Variants in WWOX observed in about 807,000 individuals in gnomAD.
WWOX encodes the protein WW domain-containing oxidoreductase.
In WWOX, 69 loss-of-function variants were observed where a neutral mutation model predicts 46.2. That is an observed-to-expected ratio of 1.49 (90% CI 1.23 to 1.82). The LOEUF is 1.82. Ranked by LOEUF, WWOX falls within the 40% of genes most tolerant of loss-of-function variation. The pLI is 0.00. For missense variants in WWOX, 919 were observed against 542.6 expected, an observed-to-expected ratio of 1.69 and a Z score of -6.89; for synonymous variants, 359 against 202.6, an observed-to-expected ratio of 1.77 and a Z score of -6.56.
chr16:78,940,065 T>C (rs2045821032), intron 8 of WWOX, among the ~76,000 whole-genome samples: 2 of 152,184 alleles, frequency 1.3e-5, no homozygotes, highest in South Asian at 4.1e-4. Flanking sequence ...TTTCATCCCA[T>C]TATACAAAAA....
At chr16:78,843,703 G>A (rs1472466828) in intron 8 of WWOX, among the ~76,000 whole-genome samples, 2 of 152,190 alleles carry the variant, frequency 1.3e-5, no homozygotes, top group Middle Eastern at 6.4e-3. Context: ...TGCAAATAAT[G>A]TATCATTAAG....
chr16:78,422,812 T>A (rs577185788), intron 6 of WWOX, among the ~76,000 whole-genome samples: 3 of 120,906 alleles, frequency 2.5e-5, no homozygotes, highest in African/African-American at 4.0e-5. Flanking sequence ...TACACACACA[T>A]ATATATACAC....
At chr16:78,444,805 C>T (rs909755839) in intron 8 of WWOX, among the ~76,000 whole-genome samples, 3 of 152,138 alleles carry the variant, frequency 2.0e-5, no homozygotes, top group African/African-American at 7.2e-5. Flanking sequence ...GCTGGAATTA[C>T]AGGCGTGAGC....
At chr16:79,069,930 C>G (rs933282349) in intron 8 of WWOX, among the ~76,000 whole-genome samples, 6 of 152,152 alleles carry the variant, frequency 3.9e-5, no homozygotes, top group Admixed American at 1.3e-4. Flanking sequence ...AAAAGTTACC[C>G]AAACCTTTGT....
chr16:78,800,719 A>G (rs1031198322), intron 8 of WWOX, among the ~76,000 whole-genome samples: 6 of 152,282 alleles, frequency 3.9e-5, no homozygotes, highest in East Asian at 1.9e-4. Context: ...TTTCAGAATG[A>G]GGGAATTGTC....
At chr16:78,739,678 G>A (rs886998241) in intron 8 of WWOX, among the ~76,000 whole-genome samples, 1 of 152,098 alleles carries the variant, frequency 6.6e-6, no homozygotes, top group African/African-American at 2.4e-5. Context: ...TGGCTTCCTG[G>A]TGCATGCCTG....
At chr16:78,747,258 C>G (rs1168197319) in intron 8 of WWOX, among the ~76,000 whole-genome samples, 1 of 147,058 alleles carries the variant, frequency 6.8e-6, no homozygotes, top group African/African-American at 2.5e-5. Context: ...GTAGCACGAT[C>G]TCGGCTCATT....
intron 8 of WWOX, among the ~76,000 whole-genome samples, chr16:78,618,025 A>T (rs1406046334): frequency 6.6e-6 from 1 of 152,196 alleles, no homozygotes; most frequent in South Asian, 2.1e-4. Context: ...TATGAGCCAG[A>T]TGTAGTGTTC....
At chr16:78,954,081 C>T (rs1288143720) in intron 8 of WWOX, among the ~76,000 whole-genome samples, 3 of 152,170 alleles carry the variant, frequency 2.0e-5, no homozygotes, top group Non-Finnish European at 4.4e-5. Context: ...TATTCAGTTC[C>T]TAGTCATCTT....
chr16:78,887,956 A>T (rs1028261110), intron 8 of WWOX, among the ~76,000 whole-genome samples: 8 of 152,230 alleles, frequency 5.3e-5, no homozygotes, highest in Non-Finnish European at 1.0e-4. Flanking sequence ...TCACTCTGAC[A>T]AACAATTTCT....
chr16:78,458,730 G>A, intron 8 of WWOX, among the ~76,000 whole-genome samples: 1 of 152,182 alleles, frequency 6.6e-6, no homozygotes, highest in South Asian at 2.1e-4. Context: ...ATGTCTATAT[G>A]TGTATACATA....
At chr16:79,077,975 T>C (rs948988951) in intron 8 of WWOX, 3 of 152,180 alleles carry the variant, frequency 2.0e-5, no homozygotes, top group Admixed American at 1.3e-4. Flanking sequence ...TGTTCCTACC[T>C]GCTCCTCTTG....
At chr16:78,370,428 C>T (rs768616908) in intron 5 of WWOX, among the ~76,000 whole-genome samples, 10 of 151,816 alleles carry the variant, frequency 6.6e-5, no homozygotes, top group East Asian at 1.9e-4. Flanking sequence ...TTCAAAATAC[C>T]GTTTACATTG....
intron 8 of WWOX, among the ~76,000 whole-genome samples, chr16:78,701,619 C>G (rs1216503759): frequency 6.6e-6 from 1 of 152,076 alleles, no homozygotes; most frequent in African/African-American, 2.4e-5. Flanking sequence ...CTGCCTCCCC[C>G]ACACTCCTTC....
chr16:78,960,259 A>G (rs2046247823), intron 8 of WWOX, among the ~76,000 whole-genome samples: 1 of 152,144 alleles, frequency 6.6e-6, no homozygotes, highest in African/African-American at 2.4e-5. Context: ...AGACCTCCCC[A>G]CCTCCAGCTA....
At chr16:79,148,204 T>C (rs1018499283) in intron 8 of WWOX, among the ~76,000 whole-genome samples, 1 of 152,240 alleles carries the variant, frequency 6.6e-6, no homozygotes, top group Non-Finnish European at 1.5e-5. Flanking sequence ...CATATATTTT[T>C]GCATTTTGCA....
intron 8 of WWOX, among the ~76,000 whole-genome samples, chr16:78,783,764 A>G (rs536058360): frequency 6.6e-6 from 1 of 151,940 alleles, no homozygotes; most frequent in East Asian, 1.9e-4. Context: ...TGATGGTAGT[A>G]TGATAATGCT....
intron 5 of WWOX, among the ~76,000 whole-genome samples, chr16:78,290,913 T>G (rs951346701): frequency 6.6e-6 from 1 of 152,236 alleles, no homozygotes; most frequent in East Asian, 1.9e-4. Flanking sequence ...AAGTTTAATT[T>G]TGCTTAAATT....
At chr16:78,123,400 G>T (rs1454837695) in intron 4 of WWOX, 1 of 144,240 alleles carries the variant, frequency 6.9e-6, no homozygotes, top group Non-Finnish European at 1.5e-5. Flanking sequence ...CATTTTGAAC[G>T]CCTTGGTGAC....
Sources: gnomAD v4.1 joint callset for allele counts (sites outside exome capture counted in the v4.1 genomes callset) on GRCh38, gnomAD v4.1.1 for gene constraint, MANE v1.5 for transcripts, NCBI Gene and HGNC (gene_info 2026-07-23, HGNC 2026-07-21) for gene names.